ATP8A2: variants seen among roughly 807,000 people sequenced by gnomAD.
ATP8A2 encodes ATPase phospholipid transporting 8A2.
Under a neutral mutation model 165.6 loss-of-function variants are expected in ATP8A2, and 100 were observed. The ratio of observed to expected loss-of-function variants is 0.60; its 90% confidence interval spans 0.51 to 0.71. ATP8A2 has a LOEUF of 0.71. Ranked by LOEUF, ATP8A2 falls within the 30% of genes least tolerant of loss-of-function variation. The pLI is 0.00. For missense variants in ATP8A2, 1,227 were observed against 1,479.5 expected (o/e 0.83, Z 2.80); for synonymous variants, 543 against 548.8 (o/e 0.99, Z 0.15).
At chr13:25,866,317 C>T (rs1952507721) in intron 33 of ATP8A2, among the ~76,000 whole-genome samples, 1 of 152,170 alleles carries the variant, frequency 6.6e-6, no homozygotes, top group Admixed American at 6.5e-5. Flanking sequence ...GCCACCCAAC[C>T]TAATTACTTT....
chr13:25,691,486 A>AT (rs2042724161), intron 24 of ATP8A2, among the ~76,000 whole-genome samples: 1 of 152,202 alleles, frequency 6.6e-6, no homozygotes, highest in Non-Finnish European at 1.5e-5. Flanking sequence ...AAATAGAAAC[A>AT]TTTTGTGGGA....
chr13:25,560,078 G>C (rs1005919426), intron 15 of ATP8A2, among the ~76,000 whole-genome samples: 1 of 152,164 alleles, frequency 6.6e-6, no homozygotes, highest in Non-Finnish European at 1.5e-5. Context: ...TCCTCCCGCT[G>C]TGTCTTCCCA....
chr13:25,658,337 T>C (rs569934564), intron 24 of ATP8A2, among the ~76,000 whole-genome samples: 1 of 152,286 alleles, frequency 6.6e-6, no homozygotes, highest in East Asian at 1.9e-4. Context: ...ACTTCTTGAC[T>C]TTTTAAAGAG....
intron 24 of ATP8A2, among the ~76,000 whole-genome samples, chr13:25,676,387 TGCAGACCTCATGA>T (rs1282538362): frequency 1.3e-5 from 2 of 152,122 alleles, no homozygotes; most frequent in Non-Finnish European, 2.9e-5. Flanking sequence ...CCTGGAAAGG[TGCAGACCTCATGA>T]GAGGTGGAGG....
At chr13:25,473,736 G>A (rs1231778236) in intron 2 of ATP8A2, among the ~76,000 whole-genome samples, 1 of 151,772 alleles carries the variant, frequency 6.6e-6, no homozygotes, top group Non-Finnish European at 1.5e-5. Flanking sequence ...AGATTTCCCT[G>A]TACTGGACAT....
rs367627933 is a variant in ATP8A2 at position 25,946,616 on chromosome 13, C to T, written c.3184-14959C>T. 1.1e-4 allele frequency among the ~76,000 whole-genome samples: 17 copies of T among 152,276 alleles called. No individual in the cohort carries two copies. The East Asian group carries it at 2.7e-3, about 24-fold the overall frequency. ...ACGGAATGCCTCTAACAGAGGGGAG[C>T]GAGGGCACACCCTGGGAGGCCCGAG... On this transcript the variant is annotated intron_variant, in intron 33 of 36. Transcript: ENST00000381655.
At chr13:25,977,377 C>T (rs1465947682) in intron 35 of ATP8A2, among the ~76,000 whole-genome samples, 1 of 152,066 alleles carries the variant, frequency 6.6e-6, no homozygotes, top group East Asian at 1.9e-4. Context: ...GACAAATACT[C>T]GCGACAGGTG....
At chr13:25,549,360 T>G (rs1473189370) in intron 10 of ATP8A2, among the ~76,000 whole-genome samples, 1 of 151,006 alleles carries the variant, frequency 6.6e-6, no homozygotes, top group Non-Finnish European at 1.5e-5. Context: ...CTTGGGAGGT[T>G]GAGGCAGGAG....
At chr13:25,453,196 G>A (rs181314274) in intron 1 of ATP8A2, among the ~76,000 whole-genome samples, 10 of 151,564 alleles carry the variant, frequency 6.6e-5, no homozygotes, top group Admixed American at 6.6e-4. Context: ...GTATGATCTC[G>A]GCTCACTGCA....
intron 27 of ATP8A2, among the ~76,000 whole-genome samples, chr13:25,808,766 AT>A (rs1017734355): frequency 6.6e-6 from 1 of 152,092 alleles, no homozygotes; most frequent in Admixed American, 6.6e-5. Flanking sequence ...TGAAATACCT[AT>A]TTAAAGTATA....
At chr13:25,813,579 T>C (rs867617852) in intron 27 of ATP8A2, among the ~76,000 whole-genome samples, 7 of 152,100 alleles carry the variant, frequency 4.6e-5, no homozygotes, top group Admixed American at 2.0e-4. Flanking sequence ...ATATGGCCTG[T>C]GATGAGGCTG....
chr13:25,824,407 C>T (rs1365117422), intron 27 of ATP8A2, among the ~76,000 whole-genome samples: 1 of 152,136 alleles, frequency 6.6e-6, no homozygotes, highest in Non-Finnish European at 1.5e-5. Context: ...TTCACTTTTT[C>T]ATTAGCTCTC....
chr13:25,798,772 G>A (rs1274245058), intron 27 of ATP8A2, among the ~76,000 whole-genome samples: 6 of 152,130 alleles, frequency 3.9e-5, no homozygotes, highest in Non-Finnish European at 7.3e-5. Flanking sequence ...ATAAGATTTA[G>A]TTGACCTCTG....
chr13:25,723,708 G>A (rs2043432424), intron 25 of ATP8A2, among the ~76,000 whole-genome samples: 1 of 152,102 alleles, frequency 6.6e-6, no homozygotes, highest in Non-Finnish European at 1.5e-5. Context: ...ATTGTTCTGG[G>A]CAGCATTCCA....
At chr13:25,975,518 C>A (rs554335704) in intron 35 of ATP8A2, among the ~76,000 whole-genome samples, 2 of 151,922 alleles carry the variant, frequency 1.3e-5, no homozygotes, top group African/African-American at 4.8e-5. Flanking sequence ...AGAGGCGGAG[C>A]TTGCGGTGAG....
At chr13:26,010,267 C>G (rs1956818935) in intron 35 of ATP8A2, among the ~76,000 whole-genome samples, 1 of 152,126 alleles carries the variant, frequency 6.6e-6, no homozygotes, top group African/African-American at 2.4e-5. Flanking sequence ...TTCAATGATC[C>G]CTCCCATTTC....
chr13:25,711,344 T>C (rs946177445), intron 25 of ATP8A2, among the ~76,000 whole-genome samples: 1 of 152,068 alleles, frequency 6.6e-6, no homozygotes, highest in Non-Finnish European at 1.5e-5. Flanking sequence ...GGATTTGAAC[T>C]CTGGAGTCCA....
At chr13:25,831,509 A>G (rs1202503721) in intron 28 of ATP8A2, among the ~76,000 whole-genome samples, 1 of 152,102 alleles carries the variant, frequency 6.6e-6, no homozygotes, top group African/African-American at 2.4e-5. Flanking sequence ...CACCACACTC[A>G]GCCTCTCAAA....
intron 24 of ATP8A2, among the ~76,000 whole-genome samples, chr13:25,609,024 A>T (rs1407644871): frequency 7.9e-5 from 12 of 152,198 alleles, no homozygotes; most frequent in Admixed American, 7.2e-4. Flanking sequence ...ATGGGATATG[A>T]ATATCCCAAA....
Sources: gnomAD v4.1 joint callset for allele counts (sites outside exome capture counted in the v4.1 genomes callset) on GRCh38, gnomAD v4.1.1 for gene constraint, MANE v1.5 for transcripts, NCBI Gene and HGNC (gene_info 2026-07-23, HGNC 2026-07-21) for gene names.